Variants in MCAM observed in about 807,000 individuals in gnomAD.
MCAM encodes melanoma cell adhesion molecule.
Under a neutral mutation model 79.1 loss-of-function variants are expected in MCAM, and 55 were observed. The ratio of observed to expected loss-of-function variants is 0.70; its 90% CI spans 0.56 to 0.87. MCAM has a LOEUF of 0.87. MCAM is among the 40% of genes least tolerant of loss of function. The pLI is 0.00. For synonymous variants in MCAM, 330 were observed against 339.8 expected, an observed-to-expected ratio of 0.97 and a Z score of 0.32; for missense variants, 745 against 839.8, an observed-to-expected ratio of 0.89 and a Z score of 1.40.
At chr11:119,313,167 T>C in intron 5 of MCAM, 1 of 1,512,424 alleles carries the variant, frequency 6.6e-7, no homozygotes, top group Non-Finnish European at 8.8e-7. Flanking sequence ...TATCCAAGGA[T>C]GTGTGCAAAG....
In MCAM at chr11:119,312,978, C is replaced by G. The variant is rs1369661300; in HGVS notation, c.560-29G>C. Reference sequence around the variant, plus strand: ...GGCAGGGAGGAAGGGGAGGAAGACTCAGCCTCAGCCCCACCTCCAGCCCCA... The same window carrying G: ...GGCAGGGAGGAAGGGGAGGAAGACTGAGCCTCAGCCCCACCTCCAGCCCCA... On this transcript the variant is annotated intron_variant, in intron 5 of 15. Coordinates refer to ENST00000264036, the MANE Select transcript of MCAM (RefSeq NM_006500.3). This position sits in a 1 kb window ranked among gnomAD's most constrained non-coding sequence, Gnocchi z 4.9. The G allele has an allele frequency of 1.9e-6, 3 of 1,613,264 alleles. No individual in the cohort carries two copies. Among genetic ancestry groups the G allele is most frequent in the African/African-American group, 2.7e-5 (2 of 74,928 alleles).
At chr11:119,313,946 C>A (rs1378879129) in intron 5 of MCAM, 1 of 954,074 alleles carries the variant, frequency 1.0e-6, no homozygotes, top group Non-Finnish European at 1.2e-6. Flanking sequence ...AGAAATATTT[C>A]TATATATGAG....
rs777755918 is a variant in MCAM, at chr11:119,310,342, C to A, written c.1911+7G>T. 6.3e-7 allele frequency: 1 copy of A among 1,596,988 alleles called. No homozygotes were observed. Among genetic ancestry groups the A allele is most frequent in the African/African-American group, 1.3e-5 (1 of 74,570 alleles). On this transcript the variant is annotated splice_region_variant and intron_variant, in intron 15 of 15. Coordinates refer to ENST00000264036, the MANE Select transcript of MCAM (RefSeq NM_006500.3). ...GGCAGGCTCTGGCCACAGGAACCGC[C>A]TCCTACCTGGTCTCCCGGAGCCCTC...
chr11:119,310,008 C>G, intron 15 of MCAM, 93 bp from the exon 16 acceptor site: 3 of 1,132,260 alleles, frequency 2.6e-6, no homozygotes, highest in Non-Finnish European at 3.9e-6. Context: ...AAGCAGAAGC[C>G]GATGAATTTG....
Position 119,311,798 on chromosome 11 carries a change from A to AG in MCAM, c.1285+9dup. The AG allele has an allele frequency of 1.9e-6, 3 of 1,613,830 alleles. No homozygotes were observed. Among genetic ancestry groups the AG allele is most frequent in the Non-Finnish European group, 2.5e-6 (3 of 1,179,896 alleles). On this transcript the variant is annotated intron_variant, in intron 10 of 15. Transcript: ENST00000264036. The surrounding 1 kb of genome is among the most constrained non-coding windows in gnomAD (Gnocchi z 4.4). ...GGTGACCTGGTCTCTACCCAGAGGG[A>AG]GGGCCTCACCAAAAATGGCCACGTT...
intron 5 of MCAM, 63 bp downstream of exon 5, chr11:119,314,426 G>T: frequency 1.4e-6 from 2 of 1,454,136 alleles, no homozygotes; most frequent in Non-Finnish European, 1.9e-6. Flanking sequence ...AAAGCACCGA[G>T]ATTACAGGTG....
At position 119,311,338 on chromosome 11, in the gene MCAM, A is replaced by C; in HGVS notation, c.1491T>G (p.Val497=). Residue 497 remains valine (V), a synonymous_variant, in exon 12 of 16, where the codon GTT becomes GTG. Coordinates refer to ENST00000264036, the MANE Select transcript of MCAM (RefSeq NM_006500.3). This position sits in a 1 kb window ranked among gnomAD's most constrained non-coding sequence, Gnocchi z 4.4. The part of the protein sequence containing the change: ...LVTPELLETG[V]ECTASNDLGK... ...CCAGGTCGTTGGAGGCCGTGCATTC[A>C]ACACCTGTCTCCAACAGCTCCGGGG... is the stretch of plus-strand genomic sequence containing the variant. 1 of 1,614,176 alleles carries C rather than the reference A, an allele frequency of 6.2e-7. No individual in the cohort carries two copies. The highest frequency in any genetic ancestry group is 8.5e-7 in the Non-Finnish European group (1 of 1,180,014).
chr11:119,315,008 A>G lies in MCAM; in HGVS notation c.225T>C (p.Arg75=). The change falls in exon 3 of 16, where the codon CGT becomes CGC. Residue 75 remains arginine (R), a synonymous_variant. Coordinates refer to ENST00000264036, the MANE Select transcript of MCAM (RefSeq NM_006500.3). This position sits in a 1 kb window ranked among gnomAD's most constrained non-coding sequence, Gnocchi z 4.4. ...CGCTCTGGCCCTGGCCCTGGCGCAC[A>G]CGGAAGATGAGCGTCCGCTTCTCCT... The part of the protein sequence containing the change: ...VHKEKRTLIF[R]VRQGQGQSEP... The G allele has an allele frequency of 6.2e-7, 1 of 1,609,116 alleles. No homozygotes were observed. The highest frequency in any genetic ancestry group is 1.1e-5 in the South Asian group (1 of 91,086).
Position 119,308,991 on chromosome 11 carries a change from A to C in MCAM, c.*895T>G, listed in dbSNP as rs1481129285. The C allele has an allele frequency of 6.6e-6, 1 of 152,072 alleles. No individual in the cohort carries two copies. Among genetic ancestry groups the C allele is most frequent in the Non-Finnish European group, 1.5e-5 (1 of 68,022 alleles). 9.4% of individuals were successfully genotyped at this position (152,072 alleles called of 1,614,324 possible). On this transcript the variant is annotated 3_prime_UTR_variant, in exon 16 of 16. Coordinates refer to ENST00000264036, the MANE Select transcript of MCAM (RefSeq NM_006500.3). ...CGTATCTTTTCTTTTTTTTTCCTCG[A>C]GACGGAGTCTCGCTGTGTTGCCCAG...
At position 119,311,206 on chromosome 11, in the gene MCAM, T is replaced by G. The variant is rs1591282213; in HGVS notation, c.1550-21A>C. The G allele has an allele frequency of 6.2e-7, 1 of 1,612,432 alleles. No individual in the cohort carries two copies. Among genetic ancestry groups the G allele is most frequent in the Non-Finnish European group, 8.5e-7 (1 of 1,179,114 alleles). On this transcript the variant is annotated intron_variant, in intron 12 of 15. Transcript: ENST00000264036. This position sits in a 1 kb window ranked among gnomAD's most constrained non-coding sequence, Gnocchi z 4.4. ...ATTGACTAGGAGGCAGAGGGAGGGG[T>G]GTTAGGAGAAGCGCAAGTTACTGCC...
chr11:119,312,436 G>A lies in MCAM; in HGVS notation c.862-8C>T. 6.2e-7 allele frequency: 1 copy of A among 1,613,618 alleles called. No individual in the cohort carries two copies. Among genetic ancestry groups the A allele is most frequent in the Non-Finnish European group, 8.5e-7 (1 of 1,179,846 alleles). On this transcript the variant is annotated splice_polypyrimidine_tract_variant and splice_region_variant and intron_variant, in intron 7 of 15. Coordinates refer to ENST00000264036, the MANE Select transcript of MCAM (RefSeq NM_006500.3). This position sits in a 1 kb window ranked among gnomAD's most constrained non-coding sequence, Gnocchi z 4.9. Reference sequence around the variant, plus strand: ...CTCCCTGGTGCTGGGGTTCTAGGGAGGATTGGGGAGGTGAGCAGAGTGCAC... The same window carrying A: ...CTCCCTGGTGCTGGGGTTCTAGGGAAGATTGGGGAGGTGAGCAGAGTGCAC...
rs759380806 is a variant in MCAM at position 119,312,239 on chromosome 11, C to T, written c.1024+27G>A. The stretch of plus-strand genomic sequence containing the variant: ...GTTCCCTATTGCCCCAGCCTGGTCC[C>T]CCTGTCCTGGGTCCCCAGCCCCTCA... On this transcript the variant is annotated intron_variant, in intron 8 of 15. Coordinates refer to ENST00000264036, the MANE Select transcript of MCAM (RefSeq NM_006500.3). The surrounding 1 kb of genome is among the most constrained non-coding windows in gnomAD (Gnocchi z 4.9). 1 of 1,613,282 alleles carries T rather than the reference C, an allele frequency of 6.2e-7. No homozygotes were observed.
At position 119,315,070 on chromosome 11, in the gene MCAM, G is replaced by A; in HGVS notation, c.193-30C>T. 2 of 1,609,914 alleles carry A rather than the reference G, an allele frequency of 1.2e-6. No individual in the cohort carries two copies. The highest frequency in any genetic ancestry group is 1.1e-5 in the South Asian group (1 of 91,074). ...TGGGAGGAGACACAGAGGAGGAGAA[G>A]GGTCCTGGGCTACAAGAGGGGCAGA... On this transcript the variant is annotated intron_variant, in intron 2 of 15. Transcript: ENST00000264036. The surrounding 1 kb of genome is among the most constrained non-coding windows in gnomAD (Gnocchi z 4.4).
Position 119,312,897 on chromosome 11 carries a change from C to T in MCAM, c.612G>A (p.Leu204=). 6.2e-7 allele frequency: 1 copy of T among 1,614,188 alleles called. No homozygotes were observed. Among genetic ancestry groups the T allele is most frequent in the Non-Finnish European group, 8.5e-7 (1 of 1,180,036 alleles). ...CCAGCTGTGCCTTCAGAATACTCTGCAAGGTGTACAAACCACTCGACTCCA... is the reference window on the plus strand; with the variant it reads ...CCAGCTGTGCCTTCAGAATACTCTGTAAGGTGTACAAACCACTCGACTCCA... ...QTVESSGLYT[L]QSILKAQLVK... The change falls in exon 6 of 16, where the codon TTG becomes TTA. Residue 204 remains leucine, a synonymous_variant. Coordinates refer to ENST00000264036, the MANE Select transcript of MCAM (RefSeq NM_006500.3). This position sits in a 1 kb window ranked among gnomAD's most constrained non-coding sequence, Gnocchi z 4.9.
chr11:119,309,181 A>T lies in MCAM; in HGVS notation c.*705T>A, dbSNP rs190015082. 1 of 152,278 alleles carries T rather than the reference A, an allele frequency of 6.6e-6. No individual in the cohort carries two copies. Among genetic ancestry groups the T allele is most frequent in the Non-Finnish European group, 1.5e-5 (1 of 68,148 alleles). The allele number at this position is 152,278 out of a possible 1,614,324, so 9.4% of individuals were successfully genotyped here. ...AGTAGAGACAGGGTTTCACCGTGTTAGCCAGGATGGTCTCGTCCTGACTTT... is the reference window on the plus strand; with the variant it reads ...AGTAGAGACAGGGTTTCACCGTGTTTGCCAGGATGGTCTCGTCCTGACTTT... On this transcript the variant is annotated 3_prime_UTR_variant, in exon 16 of 16. Coordinates refer to ENST00000264036, the MANE Select transcript of MCAM (RefSeq NM_006500.3).
chr11:119,309,097 G>GT lies in MCAM; in HGVS notation c.*788_*789insA, dbSNP rs1950187728. 6.6e-6 allele frequency: 1 copy of GT among 152,274 alleles called. No individual in the cohort carries two copies. Among genetic ancestry groups the GT allele is most frequent in the Non-Finnish European group, 1.5e-5 (1 of 68,040 alleles). The allele number at this position is 152,274 out of a possible 1,614,324, so 9.4% of individuals were successfully genotyped here. On this transcript the variant is annotated 3_prime_UTR_variant, in exon 16 of 16. Transcript: ENST00000264036. ...TACCATTCTCCTGCTTCAGCCTTCC[G>GT]AGTAGCTGGGACTATAGGTGCCAAC...
Position 119,312,947 on chromosome 11 carries a change from C to T in MCAM, c.562G>A (p.Val188Ile), listed in dbSNP as rs746515685. 5.6e-6 allele frequency: 9 copies of T among 1,613,802 alleles called. No homozygotes were observed. Among genetic ancestry groups the T allele is most frequent in the Non-Finnish European group, 6.8e-6 (8 of 1,180,032 alleles). The change falls in exon 6 of 16, where the codon GTC becomes ATC. Residue 188 changes from valine (V) to isoleucine (I), a missense_variant and splice_region_variant. Coordinates refer to ENST00000264036, the MANE Select transcript of MCAM (RefSeq NM_006500.3). This position sits in a 1 kb window ranked among gnomAD's most constrained non-coding sequence, Gnocchi z 4.9. ...ACAGTCTGGGACGACTGAATGTGGA[C>T]CCCTGGGCAGGGAGGAAGGGGAGGA... The part of the protein sequence containing the change: ...GRPLKEEKNR[V>I]HIQSSQTVES...
intron 5 of MCAM, 100 bp downstream of exon 5, chr11:119,314,385 ACCTC>A: frequency 9.7e-7 from 1 of 1,026,992 alleles, no homozygotes; most frequent in South Asian, 1.3e-5. Flanking sequence ...TGAACTCCTC[ACCTC>A]CAGAGATCCT....
chr11:119,312,283 T>A lies in MCAM; in HGVS notation c.1007A>T (p.Gln336Leu). 6.2e-7 allele frequency: 1 copy of A among 1,614,078 alleles called. No individual in the cohort carries two copies. The highest frequency in any genetic ancestry group is 1.6e-4 in the Middle Eastern group (1 of 6,062). The change falls in exon 8 of 16, where the codon CAG becomes CTG. Residue 336 changes from glutamine (Q) to leucine (L), a missense_variant. Coordinates refer to ENST00000264036, the MANE Select transcript of MCAM (RefSeq NM_006500.3). The surrounding 1 kb of genome is among the most constrained non-coding windows in gnomAD (Gnocchi z 4.9). ...CCCCTCACAGTTCACCAGTAGTTCC[T>A]GTGGTTCACTCAGCAGCGATATCAT... is the stretch of plus-strand genomic sequence containing the variant. ...DTMISLLSEPQELLVNYVSDV... is the reference protein window; with the variant it reads ...DTMISLLSEPLELLVNYVSDV...
Sources: allele counts gnomAD v4.1 joint callset, GRCh38; gene constraint gnomAD v4.1.1; non-coding constraint Gnocchi (gnomAD v3.1); transcripts MANE v1.5; gene names NCBI Gene and HGNC (gene_info 2026-07-23, HGNC 2026-07-21).